The following CACNA2D1 variants were observed in gnomAD, a reference collection of about 807,000 sequenced individuals.
The protein encoded by CACNA2D1 is voltage-dependent calcium channel subunit alpha-2/delta-1.
A neutral mutation model predicts 171.5 loss-of-function variants in CACNA2D1; 53 were observed. The observed-to-expected ratio is 0.31, with a 90% CI of 0.25 to 0.39. The LOEUF (loss-of-function observed/expected upper bound fraction) is 0.39, where lower values mean the gene tolerates loss of function less well. CACNA2D1 is among the 10% of genes least tolerant of loss of function. The pLI, the probability that CACNA2D1 is intolerant of heterozygous loss-of-function variation, is 1.00. For missense variants in CACNA2D1, 903 were observed against 1,299.8 expected (o/e 0.69, Z 4.69); for synonymous variants, 442 against 443.1 (o/e 1.00, Z 0.03).
chr7:82,412,529 C>T (rs1025819955), intron 1 of CACNA2D1, among the ~76,000 whole-genome samples: 2 of 151,880 alleles, frequency 1.3e-5, no homozygotes, highest in Non-Finnish European at 2.9e-5. Context: ...GTAATCTGCC[C>T]GCCTCAGCCT....
chr7:82,172,034 ACT>A (rs1005157056), intron 3 of CACNA2D1, among the ~76,000 whole-genome samples: 72 of 151,952 alleles, frequency 4.7e-4, no homozygotes, highest in Non-Finnish European at 7.1e-4. Flanking sequence ...TTTATCAGTG[ACT>A]CTATAATATT....
chr7:82,313,965 A>C (rs1486106014), intron 3 of CACNA2D1, among the ~76,000 whole-genome samples: 1 of 152,144 alleles, frequency 6.6e-6, no homozygotes, highest in Admixed American at 6.6e-5. Context: ...GATTTAGATC[A>C]ATCTTTTTTT....
chr7:82,368,250 A>G (rs1483080589), intron 1 of CACNA2D1, among the ~76,000 whole-genome samples: 2 of 152,250 alleles, frequency 1.3e-5, no homozygotes, highest in Non-Finnish European at 2.9e-5. Flanking sequence ...GTATTTCCCT[A>G]TGAAATTCAA....
chr7:82,117,553 A>AG (rs1434087440), intron 5 of CACNA2D1, among the ~76,000 whole-genome samples: 2 of 152,254 alleles, frequency 1.3e-5, no homozygotes, highest in Non-Finnish European at 1.5e-5. Context: ...TGGGAGGAAG[A>AG]GGGGGGCAGA....
intron 10 of CACNA2D1, among the ~76,000 whole-genome samples, chr7:82,060,197 T>TA (rs1399922618): frequency 1.6e-3 from 18 of 11,050 alleles, no homozygotes; most frequent in African/African-American, 2.9e-3. Context: ...ATATTATATA[T>TA]ATATTATATA....
chr7:81,959,822 GA>G lies in CACNA2D1; in HGVS notation c.2973del (p.His992MetfsTer6). The G allele has an allele frequency of 6.2e-7, 1 of 1,611,606 alleles. No individual in the cohort carries two copies. The highest frequency in any genetic ancestry group is 8.5e-7 in the Non-Finnish European group (1 of 1,178,656). ...VLDCGNCSRI[F>X]HGEKLMNTNL... ...TTGGTGTTCATAAGCTTTTCTCCATGAAAGATTCTGCAAAATAAATATGGTA... is the reference window on the plus strand; with the variant it reads ...TTGGTGTTCATAAGCTTTTCTCCATGAAGATTCTGCAAAATAAATATGGTA... On this transcript the variant is annotated frameshift_variant, in exon 37 of 39. Coordinates refer to ENST00000356860, the MANE Select transcript of CACNA2D1 (RefSeq NM_000722.4). LOFTEE classifies it high-confidence loss of function.
intron 2 of CACNA2D1, among the ~76,000 whole-genome samples, chr7:82,337,615 T>A (rs1201763534): frequency 6.6e-6 from 1 of 152,224 alleles, no homozygotes; most frequent in Non-Finnish European, 1.5e-5. Context: ...CTTTGCCATT[T>A]TGTCCAATTT....
intron 3 of CACNA2D1, among the ~76,000 whole-genome samples, chr7:82,272,607 C>T (rs1358272101): frequency 6.6e-6 from 1 of 152,142 alleles, no homozygotes; most frequent in Admixed American, 6.6e-5. Context: ...TGGCAAGGAA[C>T]TGAGGTCTCC....
At chr7:82,175,179 A>T (rs1436351139) in intron 3 of CACNA2D1, among the ~76,000 whole-genome samples, 5 of 150,430 alleles carry the variant, frequency 3.3e-5, no homozygotes, top group Non-Finnish European at 7.4e-5. Flanking sequence ...TGATAGCTTT[A>T]AAAAAAAATC....
intron 3 of CACNA2D1, among the ~76,000 whole-genome samples, chr7:82,207,515 G>A (rs953042735): frequency 1.0e-4 from 15 of 150,614 alleles, no homozygotes; most frequent in Non-Finnish European, 2.1e-4. Context: ...TTTGATTAGA[G>A]AAGATTTGAG....
chr7:82,311,276 A>G (rs568724363), intron 3 of CACNA2D1, among the ~76,000 whole-genome samples: 3 of 152,214 alleles, frequency 2.0e-5, no homozygotes, highest in Non-Finnish European at 2.9e-5. Flanking sequence ...GGTTCATGGA[A>G]AAGACTACAA....
At chr7:82,131,096 C>T (rs1790927433) in intron 5 of CACNA2D1, among the ~76,000 whole-genome samples, 1 of 152,208 alleles carries the variant, frequency 6.6e-6, no homozygotes. Flanking sequence ...GCCACCGCGC[C>T]GGCCAGCTCT....
chr7:82,386,735 AAAAT>A (rs200338716), intron 1 of CACNA2D1, among the ~76,000 whole-genome samples: 11,754 of 146,164 alleles, frequency 0.08, 674 homozygotes, highest in African/African-American at 0.15. Flanking sequence ...CTCTGTCTCA[AAAAT>A]AAATAAATAA....
chr7:81,980,328 G>A (rs1010979675), intron 24 of CACNA2D1, among the ~76,000 whole-genome samples: 2 of 151,904 alleles, frequency 1.3e-5, no homozygotes, highest in Admixed American at 6.6e-5. Flanking sequence ...TCTATGACAC[G>A]ACTACTCAAC....
At chr7:82,286,149 A>G (rs1260186854) in intron 3 of CACNA2D1, among the ~76,000 whole-genome samples, 1 of 151,746 alleles carries the variant, frequency 6.6e-6, no homozygotes, top group East Asian at 1.9e-4. Flanking sequence ...TGTGTCTGCC[A>G]GTAGCTTTTA....
At chr7:82,051,683 C>T (rs992802837) in intron 10 of CACNA2D1, among the ~76,000 whole-genome samples, 2 of 152,114 alleles carry the variant, frequency 1.3e-5, no homozygotes, top group African/African-American at 2.4e-5. Flanking sequence ...TACATTTTCC[C>T]ATCATCCTCC....
At chr7:82,052,688 G>T (rs907807519) in intron 10 of CACNA2D1, among the ~76,000 whole-genome samples, 6 of 152,076 alleles carry the variant, frequency 3.9e-5, no homozygotes, top group African/African-American at 1.4e-4. Context: ...ATGCAAATAA[G>T]AATATATGAA....
intron 1 of CACNA2D1, among the ~76,000 whole-genome samples, chr7:82,427,418 G>C (rs1160051799): frequency 6.6e-6 from 1 of 152,150 alleles, no homozygotes; most frequent in Admixed American, 6.5e-5. Context: ...AATAGGAGGT[G>C]AGCAATTATG....
rs535034734 is a variant in CACNA2D1, at chr7:82,408,086, T to C, written c.95+35279A>G. ...CCCAGGCTGGAGTGCAGTGGCATGA[T>C]CTTGGCTCACTGCAACCTCCGCCTC... On this transcript the variant is annotated intron_variant, in intron 1 of 38. Transcript: ENST00000356860. Among the ~76,000 whole-genome samples, 597 of 151,514 alleles carry C rather than the reference T, an allele frequency of 3.9e-3. 4 individuals carry two copies. The highest frequency in any genetic ancestry group is 0.014 in the African/African-American group (580 of 41,284).
Sources: gnomAD v4.1 joint callset for allele counts (sites outside exome capture counted in the v4.1 genomes callset) on GRCh38, gnomAD v4.1.1 for gene constraint, MANE v1.5 for transcripts, NCBI Gene and HGNC (gene_info 2026-07-23, HGNC 2026-07-21) for gene names.